BAALC: variants seen among roughly 807,000 people sequenced by gnomAD.
BAALC encodes the protein BAALC binder of MAP3K1 and KLF4.
In BAALC, 9 loss-of-function variants were observed where a neutral mutation model predicts 15.5. The observed-to-expected ratio is 0.58, with a 90% confidence interval of 0.35 to 1.02. The LOEUF (loss-of-function observed/expected upper bound fraction) is 1.02. Among genes scored for constraint, BAALC ranks in the 50% least tolerant of loss-of-function variants. The probability of loss-of-function intolerance (pLI) is 0.02; values close to 1 mark genes in which losing one functional copy is unlikely to be tolerated. For synonymous variants in BAALC, 80 were observed against 74.6 expected (o/e 1.07, Z -0.37); for missense variants, 201 against 192.4 (o/e 1.04, Z -0.27).
At chr8:103,195,625 C>T (rs17793792) in intron 1 of BAALC, among the ~76,000 whole-genome samples, 13,756 of 152,230 alleles carry the variant, frequency 0.09, 810 homozygotes, top group Non-Finnish European at 0.13. Context: ...TTTATGCGAG[C>T]TGTTCCTTTC....
At chr8:103,218,640 C>T (rs1812613604) in intron 2 of BAALC, among the ~76,000 whole-genome samples, 1 of 152,000 alleles carries the variant, frequency 6.6e-6, no homozygotes, top group African/African-American at 2.4e-5. Flanking sequence ...GTAGAAAAGG[C>T]TCTGACATGT....
At chr8:103,224,473 T>C (rs1385928682) in intron 2 of BAALC, among the ~76,000 whole-genome samples, 1 of 152,140 alleles carries the variant, frequency 6.6e-6, no homozygotes, top group African/African-American at 2.4e-5. Context: ...TTAAATATTT[T>C]CTGGTAGACA....
At chr8:103,196,526 C>T (rs1812102623) in intron 1 of BAALC, among the ~76,000 whole-genome samples, 1 of 152,180 alleles carries the variant, frequency 6.6e-6, no homozygotes, top group Non-Finnish European at 1.5e-5. Context: ...AGCAATCTTC[C>T]TGTCTTGACC....
At chr8:103,160,595 TATG>T (rs1218135568) in intron 1 of BAALC, among the ~76,000 whole-genome samples, 1 of 152,150 alleles carries the variant, frequency 6.6e-6, no homozygotes, top group African/African-American at 2.4e-5. Context: ...TGGGTGGCTG[TATG>T]AGGGTTCTCC....
chr8:103,165,893 A>C (rs997629273), intron 1 of BAALC: 1 of 152,142 alleles, frequency 6.6e-6, no homozygotes. Flanking sequence ...GAATTCTGTA[A>C]TGTAATGTAT....
chr8:103,186,306 A>G (rs531848852), intron 1 of BAALC, among the ~76,000 whole-genome samples: 1 of 152,304 alleles, frequency 6.6e-6, no homozygotes, highest in South Asian at 2.1e-4. Flanking sequence ...GGAGGCAACT[A>G]TGGTCTCTGC....
At chr8:103,163,163 C>T (rs1326499604) in intron 1 of BAALC, among the ~76,000 whole-genome samples, 1 of 152,096 alleles carries the variant, frequency 6.6e-6, no homozygotes, top group African/African-American at 2.4e-5. Flanking sequence ...TTTCCCTACA[C>T]CACCATTTCC....
At chr8:103,179,819 G>A (rs1161677699) in intron 1 of BAALC, among the ~76,000 whole-genome samples, 1 of 152,266 alleles carries the variant, frequency 6.6e-6, no homozygotes, top group Non-Finnish European at 1.5e-5. Flanking sequence ...AATAATTACT[G>A]TGGGAGGGAT....
chr8:103,151,783 G>A (rs1317286981), intron 1 of BAALC, among the ~76,000 whole-genome samples: 1 of 150,766 alleles, frequency 6.6e-6, no homozygotes, highest in African/African-American at 2.4e-5. Context: ...CAGACTTGCC[G>A]TGAATTCTCC....
intron 1 of BAALC, chr8:103,200,670 A>C: frequency 1.4e-6 from 1 of 696,602 alleles, no homozygotes; most frequent in Non-Finnish European, 2.6e-6. Context: ...CTGGAGGCTG[A>C]GAAGTCCAAG....
chr8:103,201,849 C>T (rs1205817873), intron 1 of BAALC, among the ~76,000 whole-genome samples: 2 of 152,068 alleles, frequency 1.3e-5, no homozygotes, highest in Non-Finnish European at 2.9e-5. Flanking sequence ...GATTGAAAGA[C>T]AAGTGACAAA....
intron 1 of BAALC, among the ~76,000 whole-genome samples, chr8:103,187,082 C>G (rs1811855749): frequency 6.6e-6 from 1 of 152,030 alleles, no homozygotes; most frequent in Admixed American, 6.5e-5. Flanking sequence ...TTTGCTTTTT[C>G]TTCTTTCATT....
intron 1 of BAALC, among the ~76,000 whole-genome samples, chr8:103,162,007 C>CTGAAGCACAG (rs1487244702): frequency 6.6e-6 from 1 of 152,090 alleles, no homozygotes; most frequent in Non-Finnish European, 1.5e-5. Context: ...GTCACCCAGG[C>CTGAAGCACAG]TGAAGCACAG....
At chr8:103,150,077 G>A (rs1351363586) in intron 1 of BAALC, among the ~76,000 whole-genome samples, 3 of 152,172 alleles carry the variant, frequency 2.0e-5, no homozygotes, top group Non-Finnish European at 4.4e-5. Context: ...AATTATGATG[G>A]AAGGTGAAAG....
In BAALC at chr8:103,214,309, G is replaced by C. The variant is rs986292271; in HGVS notation, c.327+1224G>C. On this transcript the variant is annotated intron_variant, in intron 2 of 2. Transcript: ENST00000309982. ...AAAACAACTTTAAGCAACTGTTACAGTGGTGATCTATATGTCAGATATGTA... is the reference window on the plus strand; with the variant it reads ...AAAACAACTTTAAGCAACTGTTACACTGGTGATCTATATGTCAGATATGTA... Among the ~76,000 whole-genome samples, 47 of 152,216 alleles carry C rather than the reference G, an allele frequency of 3.1e-4. 1 individual carries two copies.
At chr8:103,213,200 GA>G (rs371157793) in intron 2 of BAALC, 115 bp downstream of exon 2, 398 of 1,156,884 alleles carry the variant, frequency 3.4e-4, no homozygotes, top group South Asian at 9.1e-4. Context: ...GCTCATCTTG[GA>G]AAAAAAAAGT....
intron 1 of BAALC, among the ~76,000 whole-genome samples, chr8:103,193,964 A>T (rs1208138082): frequency 6.6e-6 from 1 of 152,212 alleles, no homozygotes; most frequent in African/African-American, 2.4e-5. Context: ...CACTTTCAAA[A>T]TGGAGTCAAA....
At chr8:103,196,209 C>T (rs1379784217) in intron 1 of BAALC, among the ~76,000 whole-genome samples, 1 of 152,192 alleles carries the variant, frequency 6.6e-6, no homozygotes, top group Non-Finnish European at 1.5e-5. Flanking sequence ...ATCGGTATGT[C>T]TATCCCTTAG....
chr8:103,197,869 C>A (rs1211365098), intron 1 of BAALC, among the ~76,000 whole-genome samples: 1 of 152,178 alleles, frequency 6.6e-6, no homozygotes, highest in African/African-American at 2.4e-5. Flanking sequence ...CCAAATACCT[C>A]CCACCCAGCC....
Sources: gnomAD v4.1 joint callset for allele counts (sites outside exome capture counted in the v4.1 genomes callset) on GRCh38, gnomAD v4.1.1 for gene constraint, MANE v1.5 for transcripts, NCBI Gene and HGNC (gene_info 2026-07-23, HGNC 2026-07-21) for gene names.